The following HPSE2 variants were observed in gnomAD, a reference collection of about 807,000 sequenced individuals.
HPSE2 encodes the protein inactive heparanase-2.
HPSE2 carries 38 observed loss-of-function variants against 60.5 expected under a neutral mutation model. The observed-to-expected ratio is 0.63, with a 90% CI of 0.48 to 0.82. HPSE2 has a LOEUF of 0.82. Among genes scored for constraint, HPSE2 ranks in the 40% least tolerant of loss-of-function variants. The pLI is 0.00. For synonymous variants in HPSE2, 295 were observed against 293.2 expected, an observed-to-expected ratio of 1.01 and a Z score of -0.06; for missense variants, 713 against 740.4, an observed-to-expected ratio of 0.96 and a Z score of 0.43.
At chr10:98,603,454 A>G (rs1338767966) in intron 9 of HPSE2, among the ~76,000 whole-genome samples, 1 of 71,970 alleles carries the variant, frequency 1.4e-5, no homozygotes. Flanking sequence ...TTTTTTTGAC[A>G]GAGTCTTGCT....
intron 3 of HPSE2, among the ~76,000 whole-genome samples, chr10:98,916,305 A>C (rs1033814556): frequency 2.0e-4 from 30 of 152,338 alleles, no homozygotes; most frequent in Admixed American, 1.6e-3. Context: ...AGGGCATGAA[A>C]TACTGGTACA....
chr10:99,190,761 T>TA (rs1181166357), intron 2 of HPSE2, among the ~76,000 whole-genome samples: 1 of 151,922 alleles, frequency 6.6e-6, no homozygotes, highest in African/African-American at 2.4e-5. Context: ...TTTATAAAAA[T>TA]AAAAAAATCA....
At chr10:99,184,246 C>T (rs112255253) in intron 2 of HPSE2, among the ~76,000 whole-genome samples, 4,196 of 151,842 alleles carry the variant, frequency 0.028, 192 homozygotes, top group African/African-American at 0.096. Flanking sequence ...AAAAAGCAGC[C>T]GGGCATGGTG....
At chr10:99,232,261 A>T in intron 2 of HPSE2, 87 bp downstream of exon 2, 1 of 1,435,738 alleles carries the variant, frequency 7.0e-7, no homozygotes, top group South Asian at 1.2e-5. Context: ...ACACACGAAC[A>T]CACAGACACA....
At chr10:98,641,815 G>A (rs746313031) in intron 7 of HPSE2, 32 bp downstream of exon 7, 8 of 1,480,466 alleles carry the variant, frequency 5.4e-6, no homozygotes, top group South Asian at 2.3e-5. Flanking sequence ...CCCCAGAATC[G>A]CTCCTTTTCT....
chr10:98,877,044 T>C (rs1952896284), intron 3 of HPSE2, among the ~76,000 whole-genome samples: 1 of 151,808 alleles, frequency 6.6e-6, no homozygotes, highest in African/African-American at 2.4e-5. Context: ...TAAAAAAAAA[T>C]CCATGTTCAA....
chr10:98,989,199 ATG>A (rs1362830775), intron 3 of HPSE2, among the ~76,000 whole-genome samples: 1 of 152,192 alleles, frequency 6.6e-6, no homozygotes, highest in African/African-American at 2.4e-5. Flanking sequence ...ATGCACACGT[ATG>A]TTTATTGTGG....
At chr10:98,955,553 C>T (rs568771698) in intron 3 of HPSE2, among the ~76,000 whole-genome samples, 13 of 152,234 alleles carry the variant, frequency 8.5e-5, no homozygotes, top group African/African-American at 3.1e-4. Context: ...AGTGGCGATT[C>T]TTCAAAGACC....
At chr10:98,731,608 A>G (rs560855230) in intron 4 of HPSE2, among the ~76,000 whole-genome samples, 1 of 152,332 alleles carries the variant, frequency 6.6e-6, no homozygotes, top group Non-Finnish European at 1.5e-5. Context: ...AACAAACTGA[A>G]TAGAAGGGAA....
intron 3 of HPSE2, among the ~76,000 whole-genome samples, chr10:98,806,315 G>T (rs1028849438): frequency 1.3e-5 from 2 of 152,154 alleles, no homozygotes; most frequent in African/African-American, 2.4e-5. Context: ...TAACTGACTT[G>T]CCCAAAGTCA....
Position 98,737,390 on chromosome 10 carries a change from A to T in HPSE2, c.784+6493T>A, listed in dbSNP as rs1194460155. Among the ~76,000 whole-genome samples the T allele has an allele frequency of 2.2e-5, 3 of 138,784 alleles. 1 individual carries two copies. The highest frequency in any genetic ancestry group is 4.7e-5 in the Non-Finnish European group (3 of 64,420). The allele number at this position is 138,784 out of a possible 152,430, so 91.0% of individuals were successfully genotyped here. ...AAGGAAGGTGATTTCTGCATTTCCAACTGAGGTACCCACTTCATCTCATTG... is the reference window on the plus strand; with the variant it reads ...AAGGAAGGTGATTTCTGCATTTCCATCTGAGGTACCCACTTCATCTCATTG... On this transcript the variant is annotated intron_variant, in intron 4 of 11. Transcript: ENST00000370552.
At chr10:98,949,515 C>G (rs1955291686) in intron 3 of HPSE2, among the ~76,000 whole-genome samples, 1 of 152,130 alleles carries the variant, frequency 6.6e-6, no homozygotes, top group Non-Finnish European at 1.5e-5. Flanking sequence ...ATGAAGCTGA[C>G]CAGAGAGCAG....
intron 3 of HPSE2, among the ~76,000 whole-genome samples, chr10:98,825,748 G>T (rs912438485): frequency 5.9e-5 from 9 of 152,184 alleles, no homozygotes; most frequent in Non-Finnish European, 1.3e-4. Context: ...AGACATAAAA[G>T]AAACCTACTA....
chr10:98,955,328 A>G (rs1429317629), intron 3 of HPSE2, among the ~76,000 whole-genome samples: 2 of 152,230 alleles, frequency 1.3e-5, no homozygotes, highest in Admixed American at 6.5e-5. Flanking sequence ...AAAAGTAGCC[A>G]TTTATGTGGA....
upstream of HPSE2, among the ~76,000 whole-genome samples, chr10:99,239,418 GTTTTTTTTT>G (rs760549054): frequency 2.0e-4 from 20 of 100,402 alleles, no homozygotes; most frequent in Non-Finnish European, 3.2e-4. Context: ...GTTTGTCAAG[GTTTTTTTTT>G]TTTTTTTTTT....
chr10:99,142,722 G>A (rs2135774067), intron 3 of HPSE2, among the ~76,000 whole-genome samples: 1 of 152,232 alleles, frequency 6.6e-6, no homozygotes, highest in East Asian at 1.9e-4. Context: ...ATGTTACTGA[G>A]AATTAGAAAA....
intron 3 of HPSE2, among the ~76,000 whole-genome samples, chr10:98,848,720 T>C (rs1420464892): frequency 6.6e-6 from 1 of 152,206 alleles, no homozygotes; most frequent in Non-Finnish European, 1.5e-5. Flanking sequence ...TAAGGCTAAC[T>C]TTCATTTAGC....
chr10:98,827,716 A>G (rs1188371109), intron 3 of HPSE2, among the ~76,000 whole-genome samples: 1 of 152,208 alleles, frequency 6.6e-6, no homozygotes, highest in Non-Finnish European at 1.5e-5. Flanking sequence ...TGTGGTAAAA[A>G]TTCATAGTTA....
chr10:98,570,447 G>A (rs1363697593), intron 9 of HPSE2, among the ~76,000 whole-genome samples: 1 of 55,522 alleles, frequency 1.8e-5, no homozygotes, highest in Non-Finnish European at 4.4e-5. Context: ...AAGTGTTTTT[G>A]TGGATTTTTT....
Sources: allele counts gnomAD v4.1 joint callset (sites outside exome capture counted in the v4.1 genomes callset), GRCh38; gene constraint gnomAD v4.1.1; transcripts MANE v1.5; gene names NCBI Gene and HGNC (gene_info 2026-07-23, HGNC 2026-07-21).